CTDSPL: variants seen among roughly 807,000 people sequenced by gnomAD.
CTDSPL encodes the protein CTD small phosphatase like.
CTDSPL carries 8 observed loss-of-function variants against 30.5 expected under a neutral mutation model. That is an observed-to-expected ratio of 0.26 (90% CI 0.15 to 0.47). CTDSPL has a LOEUF of 0.47. Ranked by LOEUF, CTDSPL falls within the 20% of genes least tolerant of loss-of-function variation. The pLI is 0.99. For synonymous variants in CTDSPL, 110 were observed against 137.9 expected, an observed-to-expected ratio of 0.80 and a Z score of 1.42; for missense variants, 248 against 366.1, an observed-to-expected ratio of 0.68 and a Z score of 2.63.
intron 1 of CTDSPL, among the ~76,000 whole-genome samples, chr3:37,878,114 T>C (rs28433923): frequency 6.6e-6 from 1 of 152,194 alleles, no homozygotes; most frequent in African/African-American, 2.4e-5. Context: ...TGTTTGTTTG[T>C]TTGTTTGTTT....
At chr3:37,892,340 C>T (rs1475893000) in intron 1 of CTDSPL, among the ~76,000 whole-genome samples, 1 of 152,132 alleles carries the variant, frequency 6.6e-6, no homozygotes, top group Non-Finnish European at 1.5e-5. Flanking sequence ...TATAAAGGCA[C>T]CTAACATTAT....
At chr3:37,950,426 A>G (rs1699093720) in intron 2 of CTDSPL, among the ~76,000 whole-genome samples, 1 of 152,268 alleles carries the variant, frequency 6.6e-6, no homozygotes, top group Non-Finnish European at 1.5e-5. Context: ...GAAATGAAGT[A>G]TAAGTACAAA....
intron 3 of CTDSPL, among the ~76,000 whole-genome samples, chr3:37,961,401 G>A (rs1476390248): frequency 1.3e-5 from 2 of 152,118 alleles, no homozygotes; most frequent in Non-Finnish European, 2.9e-5. Flanking sequence ...GTGAGCACTC[G>A]AATGCCTTGG....
At chr3:37,910,361 A>C (rs1698568343) in intron 1 of CTDSPL, among the ~76,000 whole-genome samples, 1 of 152,152 alleles carries the variant, frequency 6.6e-6, no homozygotes, top group Non-Finnish European at 1.5e-5. Context: ...GGCACCTGTA[A>C]TCCCAGCTAC....
intron 1 of CTDSPL, among the ~76,000 whole-genome samples, chr3:37,905,313 A>G (rs1213951266): frequency 6.6e-6 from 1 of 152,254 alleles, no homozygotes; most frequent in Non-Finnish European, 1.5e-5. Context: ...GGAAATTAAG[A>G]GTCAAATAAC....
At chr3:37,872,464 C>T (rs967625792) in intron 1 of CTDSPL, among the ~76,000 whole-genome samples, 1 of 146,536 alleles carries the variant, frequency 6.8e-6, no homozygotes, top group Non-Finnish European at 1.5e-5. Context: ...TTTTCTCTGA[C>T]ATGCCCCCAT....
In CTDSPL at chr3:37,893,896, A is replaced by T. The variant is rs1362650776; in HGVS notation, c.79+31618A>T. ...CCCAGCCCACATGATATTTTTAATT[A>T]CTCTTAATTTTTAAATGTGTTTTGA... On this transcript the variant is annotated intron_variant, in intron 1 of 7. Transcript: ENST00000273179. Among the ~76,000 whole-genome samples, 3 of 152,058 alleles carry T rather than the reference A, an allele frequency of 2.0e-5. No homozygotes were observed. In the East Asian group the frequency reaches 5.8e-4, roughly 29 times the overall value.
chr3:37,927,668 G>GTATA (rs1184572461), intron 1 of CTDSPL, among the ~76,000 whole-genome samples: 4 of 127,166 alleles, frequency 3.1e-5, no homozygotes, highest in African/African-American at 7.3e-5. Flanking sequence ...GTGTGTGTGT[G>GTATA]TGTGTGTGTG....
At chr3:37,863,052 TTTAG>T (rs1697963559) in intron 1 of CTDSPL, among the ~76,000 whole-genome samples, 1 of 152,082 alleles carries the variant, frequency 6.6e-6, no homozygotes, top group Non-Finnish European at 1.5e-5. Flanking sequence ...TCTGGGTGTG[TTTAG>T]TTGGTTGTGC....
chr3:37,876,554 C>T (rs1200716736), intron 1 of CTDSPL, among the ~76,000 whole-genome samples: 1 of 152,102 alleles, frequency 6.6e-6, no homozygotes, highest in African/African-American at 2.4e-5. Flanking sequence ...TTTGTGTTTC[C>T]TAAATCTCTG....
Position 37,975,643 on chromosome 3 carries a change from G to A in CTDSPL, c.520-66G>A. On this transcript the variant is annotated intron_variant, in intron 6 of 7. Transcript: ENST00000273179. This position sits in a 1 kb window ranked among gnomAD's most constrained non-coding sequence, Gnocchi z 4.9. ...TAAAAAACGTAATCTGGATCTTGCT[G>A]CTGTAGTTCAGGGTTTGGGGGGCTC... 2.9e-6 allele frequency: 4 copies of A among 1,381,236 alleles called. No individual in the cohort carries two copies. The highest frequency in any genetic ancestry group is 4.0e-6 in the Non-Finnish European group (4 of 1,010,112). The allele number at this position is 1,381,236 out of a possible 1,614,324, so 85.6% of individuals were successfully genotyped here. A position where few individuals can be genotyped will look rare whatever the true frequency, so the allele number is the denominator to read the frequency against.
intron 1 of CTDSPL, among the ~76,000 whole-genome samples, chr3:37,930,739 T>G (rs547263167): frequency 2.0e-5 from 3 of 152,366 alleles, no homozygotes; most frequent in African/African-American, 7.2e-5. Flanking sequence ...CTGTGTCTCT[T>G]AGGTCCATTT....
chr3:37,978,224 T>C (rs1699451402), intron 7 of CTDSPL, among the ~76,000 whole-genome samples: 1 of 152,244 alleles, frequency 6.6e-6, no homozygotes, highest in Non-Finnish European at 1.5e-5. Flanking sequence ...CATTATGAAC[T>C]CATGGATTTG....
chr3:37,918,549 C>G (rs1490231236), intron 1 of CTDSPL, among the ~76,000 whole-genome samples: 1 of 152,174 alleles, frequency 6.6e-6, no homozygotes, highest in Non-Finnish European at 1.5e-5. Flanking sequence ...TCATTCTATC[C>G]TTCAATCACC....
intron 1 of CTDSPL, among the ~76,000 whole-genome samples, chr3:37,922,626 T>G (rs1444379325): frequency 6.6e-6 from 1 of 152,262 alleles, no homozygotes; most frequent in Non-Finnish European, 1.5e-5. Context: ...CAGACCACCA[T>G]TCTTTTTCCT....
chr3:37,887,769 C>G (rs1056093484), intron 1 of CTDSPL, among the ~76,000 whole-genome samples: 1 of 152,138 alleles, frequency 6.6e-6, no homozygotes, highest in Non-Finnish European at 1.5e-5. Context: ...AGTTATCAGT[C>G]TAAAAGTTAT....
In CTDSPL at chr3:37,904,758, C is replaced by T. The variant is rs148871903; in HGVS notation, c.80-42299C>T. On this transcript the variant is annotated intron_variant, in intron 1 of 7. Transcript: ENST00000273179. Reference sequence around the variant, plus strand: ...ATATCTCCCTGTTGCATCAGACAGACCTGATCCAAATCTCTGCTACTTCCT... The same window carrying T: ...ATATCTCCCTGTTGCATCAGACAGATCTGATCCAAATCTCTGCTACTTCCT... Among the ~76,000 whole-genome samples the T allele has an allele frequency of 6.2e-3, 938 of 152,270 alleles. 28 individuals carry two copies. In the South Asian group the frequency reaches 0.077, roughly 12 times the overall value.
chr3:37,980,435 A>G (rs1411230046), intron 7 of CTDSPL, among the ~76,000 whole-genome samples: 2 of 152,226 alleles, frequency 1.3e-5, no homozygotes, highest in African/African-American at 4.8e-5. Flanking sequence ...GAAGTTGGCA[A>G]GTAGCAAGGC....
At chr3:37,877,359 T>G (rs1421406935) in intron 1 of CTDSPL, among the ~76,000 whole-genome samples, 1 of 152,230 alleles carries the variant, frequency 6.6e-6, no homozygotes, top group Non-Finnish European at 1.5e-5. Context: ...ATACAGTATT[T>G]TTTTGTGATA....
Sources: allele counts gnomAD v4.1 joint callset (sites outside exome capture counted in the v4.1 genomes callset), GRCh38; gene constraint gnomAD v4.1.1; non-coding constraint Gnocchi (gnomAD v3.1); transcripts MANE v1.5; gene names NCBI Gene and HGNC (gene_info 2026-07-23, HGNC 2026-07-21).